Variants in ADAMTS19 observed in about 807,000 individuals in gnomAD.
The protein encoded by ADAMTS19 is A disintegrin and metalloproteinase with thrombospondin motifs 19.
A neutral mutation model predicts 153.3 loss-of-function variants in ADAMTS19; 93 were observed. The ratio of observed to expected loss-of-function variants is 0.61; its 90% confidence interval spans 0.51 to 0.72. The LOEUF is 0.72. Among genes scored for constraint, ADAMTS19 ranks in the 30% least tolerant of loss-of-function variants. ADAMTS19 has a pLI of 0.00. For missense variants in ADAMTS19, 1,482 were observed against 1,552.1 expected (o/e 0.95, Z 0.76); for synonymous variants, 600 against 556.6 (o/e 1.08, Z -1.10).
In ADAMTS19 at chr5:129,701,610, T is replaced by G; in HGVS notation, c.3159+18T>G. 2 of 1,612,262 alleles carry G rather than the reference T, an allele frequency of 1.2e-6. No homozygotes were observed. Among genetic ancestry groups the G allele is most frequent in the Non-Finnish European group, 1.7e-6 (2 of 1,178,750 alleles). On this transcript the variant is annotated intron_variant, in intron 20 of 22. Transcript: ENST00000274487. ...GGTCTGAGGTGCATACATGCCCCCTTTCTTTCCCCATTCCTACTCTGACTC... is the reference window on the plus strand; with the variant it reads ...GGTCTGAGGTGCATACATGCCCCCTGTCTTTCCCCATTCCTACTCTGACTC...
At chr5:129,538,988 G>T (rs993559103) in intron 6 of ADAMTS19, among the ~76,000 whole-genome samples, 7 of 152,054 alleles carry the variant, frequency 4.6e-5, no homozygotes, top group African/African-American at 1.4e-4. Flanking sequence ...TCAATGTTAA[G>T]AGTTGGTGTG....
At chr5:129,717,033 C>T (rs991771789) in intron 21 of ADAMTS19, among the ~76,000 whole-genome samples, 11 of 152,172 alleles carry the variant, frequency 7.2e-5, no homozygotes, top group African/African-American at 2.7e-4. Context: ...CAATTTGTTT[C>T]TTCCAACAAT....
intron 2 of ADAMTS19, among the ~76,000 whole-genome samples, chr5:129,489,818 G>T (rs577941334): frequency 6.6e-6 from 1 of 152,158 alleles, no homozygotes; most frequent in South Asian, 2.1e-4. Flanking sequence ...TAACCTCCCA[G>T]TGCTTCAGTT....
chr5:129,541,557 G>A (rs1752654642), intron 6 of ADAMTS19, among the ~76,000 whole-genome samples: 2 of 151,826 alleles, frequency 1.3e-5, no homozygotes, highest in South Asian at 2.1e-4. Context: ...TTTGTTTGCT[G>A]GCAAAGGCAA....
intron 2 of ADAMTS19, among the ~76,000 whole-genome samples, chr5:129,493,403 G>A (rs368351594): frequency 0.17 from 25,829 of 151,780 alleles, 3,040 homozygotes; most frequent in African/African-American, 0.33. Context: ...GCTACTACAG[G>A]TGTGCTATAA....
chr5:129,647,358 A>G (rs1333290254), intron 11 of ADAMTS19, among the ~76,000 whole-genome samples: 1 of 152,142 alleles, frequency 6.6e-6, no homozygotes, highest in Non-Finnish European at 1.5e-5. Flanking sequence ...GCTTTGACGT[A>G]GGACATTTAT....
chr5:129,568,099 A>C (rs2126857526), intron 7 of ADAMTS19, among the ~76,000 whole-genome samples: 1 of 152,324 alleles, frequency 6.6e-6, no homozygotes, highest in East Asian at 1.9e-4. Context: ...AACTAAGAGA[A>C]TTCATAGCCA....
At position 129,658,291 on chromosome 5, in the gene ADAMTS19, AAAAG is replaced by A. The variant is rs200815602; in HGVS notation, c.2305-310_2305-307del. 9.1e-3 allele frequency among the ~76,000 whole-genome samples: 1,149 copies of A among 125,748 alleles called. 38 individuals are homozygous for A. The highest frequency in any genetic ancestry group is 0.02 in the African/African-American group (573 of 28,714). 82.5% of individuals were successfully genotyped at this position (125,748 alleles called of 152,430 possible). ...ACAGAACCAGACCCCATCTGAAAGA[AAAAG>A]AAAGAAAGAAAGAAAAAGAAAGAAA... is the stretch of plus-strand genomic sequence containing the variant. On this transcript the variant is annotated intron_variant, in intron 14 of 22. Coordinates refer to ENST00000274487, the MANE Select transcript of ADAMTS19 (RefSeq NM_133638.6).
At chr5:129,556,869 T>C (rs1753332957) in intron 7 of ADAMTS19, among the ~76,000 whole-genome samples, 1 of 152,152 alleles carries the variant, frequency 6.6e-6, no homozygotes, top group Admixed American at 6.6e-5. Context: ...AACAGCCTTT[T>C]CAACACTTGA....
intron 2 of ADAMTS19, among the ~76,000 whole-genome samples, chr5:129,475,366 G>C (rs991894402): frequency 3.9e-5 from 6 of 152,020 alleles, no homozygotes; most frequent in Non-Finnish European, 4.4e-5. Flanking sequence ...TAGCATTTTT[G>C]TTAAAAGTAA....
At chr5:129,557,693 A>G (rs1753362590) in intron 7 of ADAMTS19, among the ~76,000 whole-genome samples, 2 of 152,158 alleles carry the variant, frequency 1.3e-5, no homozygotes, top group Admixed American at 1.3e-4. Context: ...TGTTCCAAAG[A>G]TGGATTATTT....
intron 2 of ADAMTS19, among the ~76,000 whole-genome samples, chr5:129,474,129 C>G (rs533013658): frequency 6.6e-6 from 1 of 152,180 alleles, no homozygotes; most frequent in South Asian, 2.1e-4. Flanking sequence ...ATTTGTCTTT[C>G]ATATAAATGT....
chr5:129,639,927 T>A (rs1752718093), intron 10 of ADAMTS19, among the ~76,000 whole-genome samples: 1 of 152,052 alleles, frequency 6.6e-6, no homozygotes, highest in South Asian at 2.1e-4. Context: ...TCCACAAAAG[T>A]ACATGAAAAA....
At chr5:129,609,678 G>A (rs1751102272) in intron 8 of ADAMTS19, among the ~76,000 whole-genome samples, 1 of 152,154 alleles carries the variant, frequency 6.6e-6, no homozygotes, top group African/African-American at 2.4e-5. Flanking sequence ...ACTTCAACCA[G>A]TATAGATGTG....
intron 21 of ADAMTS19, among the ~76,000 whole-genome samples, chr5:129,709,891 T>C (rs1459445920): frequency 6.6e-6 from 1 of 152,130 alleles, no homozygotes; most frequent in East Asian, 1.9e-4. Context: ...GTGTGTAAAT[T>C]TGAAGCTCTC....
intron 6 of ADAMTS19, among the ~76,000 whole-genome samples, chr5:129,542,760 T>C (rs992573918): frequency 5.9e-5 from 9 of 152,194 alleles, no homozygotes; most frequent in African/African-American, 2.2e-4. Flanking sequence ...GTTATAAATA[T>C]TAAAACTCCC....
rs575955609 is a variant in ADAMTS19, at chr5:129,717,451, A to C, written c.3312+13060A>C. On this transcript the variant is annotated intron_variant, in intron 21 of 22. Coordinates refer to ENST00000274487, the MANE Select transcript of ADAMTS19 (RefSeq NM_133638.6). ...CTGATATTTTCCATGAAAGTTAATCAACATAATTTTCGTAGTCATACAACT... is the reference window on the plus strand; with the variant it reads ...CTGATATTTTCCATGAAAGTTAATCCACATAATTTTCGTAGTCATACAACT... 2.6e-5 allele frequency among the ~76,000 whole-genome samples: 4 copies of C among 152,326 alleles called. No individual in the cohort carries two copies. The East Asian group carries it at 7.7e-4, about 29-fold the overall frequency.
intron 7 of ADAMTS19, among the ~76,000 whole-genome samples, chr5:129,554,830 G>A (rs1753257367): frequency 6.6e-6 from 1 of 151,992 alleles, no homozygotes; most frequent in Non-Finnish European, 1.5e-5. Context: ...CCTCTCTATT[G>A]TTATTAAGAG....
At position 129,710,653 on chromosome 5, in the gene ADAMTS19, A is replaced by G. The variant is rs373895065; in HGVS notation, c.3312+6262A>G. ...CCTTTACACTGCCTTCTATTTTTCT[A>G]TACAGAAGCTTGTCACTTCTTAAAA... On this transcript the variant is annotated intron_variant, in intron 21 of 22. Coordinates refer to ENST00000274487, the MANE Select transcript of ADAMTS19 (RefSeq NM_133638.6). Among the ~76,000 whole-genome samples the G allele has an allele frequency of 2.6e-5, 4 of 152,330 alleles. No individual in the cohort carries two copies. In the East Asian group the frequency reaches 5.8e-4, roughly 22 times the overall value.
Sources: allele counts gnomAD v4.1 joint callset (sites outside exome capture counted in the v4.1 genomes callset), GRCh38; gene constraint gnomAD v4.1.1; transcripts MANE v1.5; gene names NCBI Gene and HGNC (gene_info 2026-07-23, HGNC 2026-07-21).